HIPK1: variants seen among roughly 807,000 people sequenced by gnomAD.
HIPK1 encodes the protein homeodomain interacting protein kinase 1, also known as homeodomain-interacting protein kinase 1.
A neutral mutation model predicts 117.1 loss-of-function variants in HIPK1; 28 were observed. That is an observed-to-expected ratio of 0.24 (90% CI 0.18 to 0.33). HIPK1 has a LOEUF of 0.33. HIPK1 is among the 10% of genes least tolerant of loss of function. HIPK1 has a pLI of 1.00. For missense variants in HIPK1, 1,122 were observed against 1,475.1 expected, an observed-to-expected ratio of 0.76 and a Z score of 3.92; for synonymous variants, 605 against 562.5, an observed-to-expected ratio of 1.08 and a Z score of -1.07.
Position 113,973,613 on chromosome 1 carries a change from C to T in HIPK1, c.*101C>T, listed in dbSNP as rs1672992274. Reference sequence around the variant, plus strand: ...ATCCTCCTTTACCCTCTTGAAATTTCTTAGCCAGCAACTTGTTCTGCAGGG... The same window carrying T: ...ATCCTCCTTTACCCTCTTGAAATTTTTTAGCCAGCAACTTGTTCTGCAGGG... On this transcript the variant is annotated 3_prime_UTR_variant, in exon 16 of 16. Coordinates refer to ENST00000426820, the MANE Select transcript of HIPK1 (RefSeq NM_198268.3). 1 of 1,391,912 alleles carries T rather than the reference C, an allele frequency of 7.2e-7. No homozygotes were observed. The highest frequency in any genetic ancestry group is 2.4e-5 in the East Asian group (1 of 41,332). 86.2% of individuals were successfully genotyped at this position (1,391,912 alleles called of 1,614,324 possible).
intron 1 of HIPK1, among the ~76,000 whole-genome samples, chr1:113,938,129 C>CTT (rs565973812): frequency 5.3e-5 from 7 of 131,332 alleles, no homozygotes; most frequent in Admixed American, 7.7e-5. Flanking sequence ...TTACACTTGG[C>CTT]TTTTTTTTTT....
rs776661413 is a variant in HIPK1, at chr1:113,940,882, A to G, written c.499A>G (p.Ser167Gly). Reference sequence around the variant, plus strand: ...AACCACCACTGTGACCACAAAGAGTAGCAGTTCCAGCGGAGAAGGGGATTA... The same window carrying G: ...AACCACCACTGTGACCACAAAGAGTGGCAGTTCCAGCGGAGAAGGGGATTA... Reference protein sequence around the residue: ...ATTTTVTTKSSSSSGEGDYQL... With the variant: ...ATTTTVTTKSGSSSGEGDYQL... The change falls in exon 2 of 16, where the codon AGC (serine) becomes GGC (glycine). Residue 167 changes from serine (S) to glycine (G), a missense_variant. Physicochemically the swap from Ser to Gly is moderately conservative, Grantham distance 56. Transcript: ENST00000426820. 4 of 1,614,152 alleles carry G rather than the reference A, an allele frequency of 2.5e-6. No individual in the cohort carries two copies. Among genetic ancestry groups the G allele is most frequent in the Non-Finnish European group, 3.4e-6 (4 of 1,180,026 alleles).
chr1:113,956,135 C>T (rs563052924), intron 5 of HIPK1, among the ~76,000 whole-genome samples: 9 of 138,000 alleles, frequency 6.5e-5, no homozygotes, highest in African/African-American at 2.5e-4. Flanking sequence ...AGTGCAGTGG[C>T]GTAATCTCAG....
At chr1:113,933,163 A>G (rs1399158065) in intron 1 of HIPK1, 1 of 984,694 alleles carries the variant, frequency 1.0e-6, no homozygotes, top group African/African-American at 1.7e-5. Context: ...ATCTAAGTGA[A>G]CTATTGATTT....
At chr1:113,964,868 T>A (rs866254432) in intron 10 of HIPK1, among the ~76,000 whole-genome samples, 1 of 152,244 alleles carries the variant, frequency 6.6e-6, no homozygotes, top group African/African-American at 2.4e-5. Flanking sequence ...CTTTGCATAT[T>A]TTTGTTCTTC....
chr1:113,958,341 CT>C, intron 8 of HIPK1, 50 bp downstream of exon 8: 1 of 1,227,690 alleles, frequency 8.1e-7, no homozygotes, highest in Non-Finnish European at 1.2e-6. Context: ...GACCTACCTG[CT>C]TTAGGCAGCT....
chr1:113,958,427 T>C, intron 8 of HIPK1, 136 bp downstream of exon 8: 1 of 622,004 alleles, frequency 1.6e-6, no homozygotes, highest in South Asian at 2.1e-5. Context: ...TTGGGTAATA[T>C]CACAAAATGG....
Position 113,973,372 on chromosome 1 carries a change from C to T in HIPK1, c.3493C>T (p.Leu1165Phe), listed in dbSNP as rs150473583. 73 of 1,614,238 alleles carry T rather than the reference C, an allele frequency of 4.5e-5. No individual in the cohort carries two copies. Among genetic ancestry groups the T allele is most frequent in the Middle Eastern group, 3.3e-4 (2 of 6,062 alleles). ...QVPVSVGPSL[L>F]TSASVAPAQY... ...CCCTGTCAGTGTTGGGCCCAGCCTCCTCACTTCTGCCAGCGTGGCCCCTGC... is the reference window on the plus strand; with the variant it reads ...CCCTGTCAGTGTTGGGCCCAGCCTCTTCACTTCTGCCAGCGTGGCCCCTGC... Residue 1165 changes from leucine to phenylalanine, a missense_variant, in exon 16 of 16, where the codon CTC (leucine) becomes TTC (phenylalanine). Leu to Phe is a conservative substitution (Grantham distance 22, BLOSUM62 0). Around this residue, in one of 6 missense-constraint regions of HIPK1, gnomAD observed 731 missense variants for 860.4 expected, o/e 0.85. Coordinates refer to ENST00000426820, the MANE Select transcript of HIPK1 (RefSeq NM_198268.3).
chr1:113,972,099 A>G, intron 15 of HIPK1, 145 bp downstream of exon 15: 1 of 1,596,568 alleles, frequency 6.3e-7, no homozygotes, highest in Non-Finnish European at 8.5e-7. Context: ...CTTACGTCGT[A>G]CCGCATATGC....
chr1:113,963,968 TA>T (rs1413246113), intron 10 of HIPK1, among the ~76,000 whole-genome samples: 1 of 152,224 alleles, frequency 6.6e-6, no homozygotes. Context: ...GTTGGCAAGA[TA>T]GCTTTCTCCT....
intron 12 of HIPK1, 93 bp downstream of exon 12, chr1:113,968,041 A>G: frequency 8.6e-7 from 1 of 1,158,378 alleles, no homozygotes; most frequent in Non-Finnish European, 1.2e-6. Context: ...TATAATATAG[A>G]TATGAAGCAG....
intron 10 of HIPK1, 108 bp from the exon 11 acceptor site, chr1:113,966,022 C>A: frequency 9.0e-7 from 1 of 1,108,132 alleles, no homozygotes; most frequent in Non-Finnish European, 1.3e-6. Flanking sequence ...AGTTAACAAT[C>A]TACAAGCAAC....
chr1:113,956,537 C>T (rs1353395455), intron 5 of HIPK1, 90 bp from the exon 6 acceptor site: 5 of 807,882 alleles, frequency 6.2e-6, no homozygotes, highest in African/African-American at 1.8e-5. Flanking sequence ...TACATATATA[C>T]ACACACACAT....
chr1:113,955,177 G>A (rs1300072956), intron 4 of HIPK1, among the ~76,000 whole-genome samples: 1 of 152,164 alleles, frequency 6.6e-6, no homozygotes, highest in African/African-American at 2.4e-5. Context: ...TTACTTCTGA[G>A]CCTACTCTGT....
chr1:113,962,215 G>C (rs1672171255), intron 8 of HIPK1, 102 bp from the exon 9 acceptor site: 1 of 1,225,422 alleles, frequency 8.2e-7, no homozygotes, highest in Non-Finnish European at 1.1e-6. Context: ...ATTAAAACCT[G>C]AACAGTGGAT....
In HIPK1 at chr1:113,940,806, A is replaced by G. The variant is rs1168096836; in HGVS notation, c.423A>G (p.Glu141=). 1 of 1,614,082 alleles carries G rather than the reference A, an allele frequency of 6.2e-7. No homozygotes were observed. The change falls in exon 2 of 16, where the codon GAA becomes GAG. Residue 141 remains glutamate, a synonymous_variant. Coordinates refer to ENST00000426820, the MANE Select transcript of HIPK1 (RefSeq NM_198268.3). ...ACGGTAGTGTGCAGATCATAGAAGA[A>G]CATCCCCCTCTCATGCTGCAAAACA... ...DSNGSVQIIE[E]HPPLMLQNRT...
intron 1 of HIPK1, among the ~76,000 whole-genome samples, chr1:113,934,784 G>GGA (rs1553265312): frequency 1.9e-5 from 1 of 51,524 alleles, no homozygotes. Flanking sequence ...CCTCATCTCT[G>GGA]AAAAAAAAAA....
intron 14 of HIPK1, 36 bp downstream of exon 14, chr1:113,970,233 C>A: frequency 1.9e-6 from 3 of 1,609,476 alleles, no homozygotes; most frequent in Non-Finnish European, 2.6e-6. Flanking sequence ...TTGAATTCTC[C>A]TTTGATGTGT....
chr1:113,957,592 C>A (rs1272142976), intron 7 of HIPK1, among the ~76,000 whole-genome samples: 1 of 152,196 alleles, frequency 6.6e-6, no homozygotes, highest in African/African-American at 2.4e-5. Flanking sequence ...GACTTTCTCC[C>A]TGTTAGGAGA....
Sources: allele counts gnomAD v4.1 joint callset (sites outside exome capture counted in the v4.1 genomes callset), GRCh38; gene constraint gnomAD v4.1.1; regional missense constraint gnomAD v4.1.1; transcripts MANE v1.5; gene names NCBI Gene and HGNC (gene_info 2026-07-23, HGNC 2026-07-21).